The following MYO15A variants were observed in gnomAD, a reference collection of about 807,000 sequenced individuals.
The protein encoded by MYO15A is myosin XVA, also known as unconventional myosin-XV.
A neutral mutation model predicts 394.6 loss-of-function variants in MYO15A; 308 were observed. That is an observed-to-expected ratio of 0.78 (90% confidence interval 0.71 to 0.86). The LOEUF is 0.86. MYO15A is among the 40% of genes least tolerant of loss of function. The probability of loss-of-function intolerance (pLI) is 0.00; values close to 1 mark genes in which losing one functional copy is unlikely to be tolerated. For synonymous variants in MYO15A, 1,957 were observed against 2,003.8 expected (o/e 0.98, Z 0.62); for missense variants, 4,606 against 4,799.1 (o/e 0.96, Z 1.19).
In MYO15A at chr17:18,150,463, T is replaced by C. The variant is rs373516911; in HGVS notation, c.7247T>C (p.Met2416Thr). 5 of 1,613,796 alleles carry C rather than the reference T, an allele frequency of 3.1e-6. No individual in the cohort carries two copies. In the African/African-American group the frequency reaches 4.0e-5, roughly 13 times the overall value. Residue 2416 changes from methionine (M) to threonine (T), a missense_variant, in exon 36 of 66, where the codon ATG becomes ACG. Met to Thr is a moderately conservative substitution (Grantham distance 81). Coordinates refer to ENST00000647165, the MANE Select transcript of MYO15A (RefSeq NM_016239.4). This position sits in a 1 kb window ranked among gnomAD's most constrained non-coding sequence, Gnocchi z 4.4. ...AAGCCAACAGCCATTGCCTACCGCA[T>C]GAAAGGGGGAGGCCAGCCCGGTGGA... is the stretch of plus-strand genomic sequence containing the variant. Reference protein sequence around the residue: ...LEKPTAIAYRMKGGGQPGGGS... With the variant: ...LEKPTAIAYRTKGGGQPGGGS...
chr17:18,156,929 C>T (rs1451062299), intron 48 of MYO15A, 25 bp from the exon 49 acceptor site: 1 of 1,604,964 alleles, frequency 6.2e-7, no homozygotes, highest in Non-Finnish European at 8.5e-7. Context: ...GGCTGTTGCC[C>T]TCACCCTGCC....
chr17:18,150,332 G>A lies in MYO15A; in HGVS notation c.7213-97G>A, dbSNP rs1416074686. 11 of 1,112,110 alleles carry A rather than the reference G, an allele frequency of 9.9e-6. No individual in the cohort carries two copies. Among genetic ancestry groups the A allele is most frequent in the African/African-American group, 1.5e-5 (1 of 65,004 alleles). 68.9% of individuals were successfully genotyped at this position (1,112,110 alleles called of 1,614,324 possible). ...CCAGTGGGAGGCTGCCCCCTCCCAC[G>A]AGAGGGTGGGGAAGAGGCCAGTGTC... is the stretch of plus-strand genomic sequence containing the variant. On this transcript the variant is annotated intron_variant, in intron 35 of 65. Transcript: ENST00000647165. This position sits in a 1 kb window ranked among gnomAD's most constrained non-coding sequence, Gnocchi z 4.4.
In MYO15A at chr17:18,132,423, C is replaced by T. The variant is rs778625951; in HGVS notation, c.4207-30C>T. 28 of 1,591,152 alleles carry T rather than the reference C, an allele frequency of 1.8e-5. No homozygotes were observed. The highest frequency in any genetic ancestry group is 2.3e-5 in the Non-Finnish European group (27 of 1,159,872). On this transcript the variant is annotated intron_variant, in intron 10 of 65. Coordinates refer to ENST00000647165, the MANE Select transcript of MYO15A (RefSeq NM_016239.4). This position sits in a 1 kb window ranked among gnomAD's most constrained non-coding sequence, Gnocchi z 4.6. ...GGGGGTCACCTAGGTAGGTGGCTCC[C>T]TTCTCTGTGCCCACCTACCCACTCT... is the stretch of plus-strand genomic sequence containing the variant.
chr17:18,153,934 C>T lies in MYO15A; in HGVS notation c.8088+38C>T, dbSNP rs2046629997. ...GCCGTAGCCAGGGGAGGGGCTGAAG[C>T]GGGGCAGGGGAGGGGCTGAAGCGAG... On this transcript the variant is annotated intron_variant, in intron 43 of 65. Coordinates refer to ENST00000647165, the MANE Select transcript of MYO15A (RefSeq NM_016239.4). This position sits in a 1 kb window ranked among gnomAD's most constrained non-coding sequence, Gnocchi z 4.1. The T allele has an allele frequency of 6.2e-7, 1 of 1,612,014 alleles. No homozygotes were observed. The highest frequency in any genetic ancestry group is 8.5e-7 in the Non-Finnish European group (1 of 1,179,366).
In MYO15A at chr17:18,122,251, AGTCTTCGCTG is replaced by A. The variant is rs773355397; in HGVS notation, c.3455_3464del (p.Leu1152ProfsTer73). 2 of 1,613,132 alleles carry A rather than the reference AGTCTTCGCTG, an allele frequency of 1.2e-6. No homozygotes were observed. Among genetic ancestry groups the A allele is most frequent in the Non-Finnish European group, 8.5e-7 (1 of 1,180,016 alleles). On this transcript the variant is annotated frameshift_variant, in exon 2 of 66. Coordinates refer to ENST00000647165, the MANE Select transcript of MYO15A (RefSeq NM_016239.4). LOFTEE classifies it high-confidence loss of function. ...TCAGGACCCCAAGCCAAGAGCCTGT[AGTCTTCGCTG>A]GTCCTGCCTCTGGCTTCGGGCAGAT...
Position 18,131,286 on chromosome 17 carries a change from C to G in MYO15A, c.4086C>G (p.Thr1362=). The G allele has an allele frequency of 1.2e-6, 2 of 1,614,102 alleles. No individual in the cohort carries two copies. Among genetic ancestry groups the G allele is most frequent in the Non-Finnish European group, 1.7e-6 (2 of 1,180,002 alleles). ...TGGAGTCCTTCGGTAATGCCAAAAC[C>G]GTCAGGAACGACAACTCCAGCCGCT... ...PLLESFGNAK[T]VRNDNSSRFG... is the part of the protein sequence containing the mutation. Residue 1362 remains threonine (T), a synonymous_variant, in exon 9 of 66, where the codon ACC becomes ACG. Transcript: ENST00000647165.
rs771110794 is a variant in MYO15A, at chr17:18,154,131, G to T, written c.8089G>T (p.Val2697Leu). 14 of 1,614,054 alleles carry T rather than the reference G, an allele frequency of 8.7e-6. No individual in the cohort carries two copies. Among genetic ancestry groups the T allele is most frequent in the Non-Finnish European group, 1.2e-5 (14 of 1,180,040 alleles). ...APWKIFLRKE[V>L]FYPKDSYSHP... Reference sequence around the variant, plus strand: ...ACCCACTGAAGCCCCGCCCCTGCAGGTGTTTTACCCCAAGGACAGCTACAG... The same window carrying T: ...ACCCACTGAAGCCCCGCCCCTGCAGTTGTTTTACCCCAAGGACAGCTACAG... The change falls in exon 44 of 66, where the codon GTG (valine) becomes TTG (leucine). Residue 2697 changes from valine (V) to leucine (L), a missense_variant and splice_region_variant. This residue lies in a region of MYO15A where 2,776 missense variants were observed against 3,109.3 expected (regional missense o/e 0.89). Transcript: ENST00000647165.
At chr17:18,161,186 G>C (rs182659881) in intron 56 of MYO15A, 131 bp from the exon 57 acceptor site, 1 of 1,270,298 alleles carries the variant, frequency 7.9e-7, no homozygotes, top group Admixed American at 2.0e-5. Flanking sequence ...ATATCACTGC[G>C]CAGGGAGGGG....
In MYO15A at chr17:18,157,772, C is replaced by T. The variant is rs2142388586; in HGVS notation, c.8839C>T (p.Leu2947=). 1 of 1,605,446 alleles carries T rather than the reference C, an allele frequency of 6.2e-7. No homozygotes were observed. Among genetic ancestry groups the T allele is most frequent in the South Asian group, 1.1e-5 (1 of 91,080 alleles). The part of the protein sequence containing the change: ...HGRVGRFPSE[L]VQPAAAPDFL... Reference sequence around the variant, plus strand: ...GCGCGTGGGCCGCTTCCCTTCGGAGCTGGTGCAGCCCGCTGCTGCCCCCGA... The same window carrying T: ...GCGCGTGGGCCGCTTCCCTTCGGAGTTGGTGCAGCCCGCTGCTGCCCCCGA... The change falls in exon 51 of 66, where the codon CTG becomes TTG. Residue 2947 remains leucine (L), a synonymous_variant. Coordinates refer to ENST00000647165, the MANE Select transcript of MYO15A (RefSeq NM_016239.4).
intron 1 of MYO15A, among the ~76,000 whole-genome samples, chr17:18,116,929 AAAAG>A (rs1555537267): frequency 0.011 from 1,513 of 132,154 alleles, 21 homozygotes; most frequent in African/African-American, 0.039. Context: ...CAAAAAAAAA[AAAAG>A]AAAGAAAGAA....
chr17:18,160,157 GT>G, intron 56 of MYO15A, 140 bp downstream of exon 56: 1 of 816,762 alleles, frequency 1.2e-6, no homozygotes, highest in Non-Finnish European at 2.0e-6. Flanking sequence ...AATAGAGCAC[GT>G]TTTTTGGAAT....
intron 50 of MYO15A, 30 bp downstream of exon 50, chr17:18,157,260 C>G (rs746931862): frequency 5.7e-6 from 9 of 1,576,132 alleles, no homozygotes; most frequent in Non-Finnish European, 7.8e-6. Flanking sequence ...GAACCCCATA[C>G]GGGGCGCATC....
chr17:18,160,270 A>T (rs2046756395), intron 56 of MYO15A, among the ~76,000 whole-genome samples: 1 of 152,226 alleles, frequency 6.6e-6, no homozygotes, highest in Non-Finnish European at 1.5e-5. Flanking sequence ...GTTGCAAGTG[A>T]CAGAAACCCA....
rs1249097601 is a variant in MYO15A, at chr17:18,131,362, G to A, written c.4142+20G>A. On this transcript the variant is annotated intron_variant, in intron 9 of 65. Transcript: ENST00000647165. ...GGAAGGGTGAGTTGGGACAGTGGAG[G>A]GCCTCCCAAAAGCCTTGCAGTGTCT... 5.6e-6 allele frequency: 9 copies of A among 1,613,472 alleles called. No individual in the cohort carries two copies. The highest frequency in any genetic ancestry group is 7.6e-6 in the Non-Finnish European group (9 of 1,179,542).
rs753611930 is a variant in MYO15A, at chr17:18,148,532, C to T, written c.6728C>T (p.Thr2243Met). ...QFSCPVHSWS[T>M]GEEVAGDILR... ...TCCTGCCCGGTGCACTCCTGGAGTA[C>T]GGGGGAAGAGGTGGCTGGAGACATT... The change falls in exon 32 of 66, where the codon ACG becomes ATG. Residue 2243 changes from threonine (T) to methionine (M), a missense_variant. By Grantham distance (81) the Thr-to-Met change is moderately conservative. Coordinates refer to ENST00000647165, the MANE Select transcript of MYO15A (RefSeq NM_016239.4). This position sits in a 1 kb window ranked among gnomAD's most constrained non-coding sequence, Gnocchi z 4.8. The T allele has an allele frequency of 6.2e-5, 97 of 1,552,672 alleles. No individual in the cohort carries two copies. The highest frequency in any genetic ancestry group is 8.2e-5 in the African/African-American group (6 of 73,054).
rs990831357 is a variant in MYO15A, at chr17:18,163,124, A to G, written c.9613-120A>G. 9.4e-6 allele frequency: 10 copies of G among 1,063,110 alleles called. No homozygotes were observed. In the African/African-American group the frequency reaches 1.1e-4, roughly 12 times the overall value. The allele number at this position is 1,063,110 out of a possible 1,614,324, so 65.9% of individuals were successfully genotyped here. A position where few individuals can be genotyped will look rare whatever the true frequency, so the allele number is the denominator to read the frequency against. ...AGGCCCTGCGCGGTCCAGGTGCTCA[A>G]GTGTTCCTACACGTGCCAGCCCAGG... is the stretch of plus-strand genomic sequence containing the variant. On this transcript the variant is annotated intron_variant, in intron 58 of 65. Transcript: ENST00000647165.
At chr17:18,137,315 G>A (rs1480682352) in intron 15 of MYO15A, among the ~76,000 whole-genome samples, 1 of 152,242 alleles carries the variant, frequency 6.6e-6, no homozygotes, top group Non-Finnish European at 1.5e-5. Context: ...GCATGGGGCT[G>A]TTATTCAAGG....
At chr17:18,155,945 A>G in intron 47 of MYO15A, 1 of 552,478 alleles carries the variant, frequency 1.8e-6, no homozygotes, top group Non-Finnish European at 3.3e-6. Flanking sequence ...CTAGATTTAG[A>G]GCTTGGACCA....
rs758437548 is a variant in MYO15A, at chr17:18,150,504, A to C, written c.7288A>C (p.Thr2430Pro). ...GCCCGGTGGAGGCAGCAGTAGTGGT[A>C]CTGAAGACACCCCCAGGAGACCCCC... is the stretch of plus-strand genomic sequence containing the variant. ...GQPGGGSSSG[T>P]EDTPRRPPEP... is the part of the protein sequence containing the mutation. Residue 2430 changes from threonine (T) to proline (P), a missense_variant, in exon 36 of 66, where the codon ACT (threonine) becomes CCT (proline). Physicochemically the swap from Thr to Pro is conservative, Grantham distance 38. This residue lies in a region of MYO15A where 2,776 missense variants were observed against 3,109.3 expected (regional missense o/e 0.89). Transcript: ENST00000647165. This position sits in a 1 kb window ranked among gnomAD's most constrained non-coding sequence, Gnocchi z 4.4. The C allele has an allele frequency of 6.2e-7, 1 of 1,614,206 alleles. No homozygotes were observed. The highest frequency in any genetic ancestry group is 1.1e-5 in the South Asian group (1 of 91,086).
Sources: gnomAD v4.1 joint callset for allele counts (sites outside exome capture counted in the v4.1 genomes callset) on GRCh38, gnomAD v4.1.1 for gene constraint, gnomAD v4.1.1 regional missense constraint, Gnocchi (gnomAD v3.1) non-coding constraint, MANE v1.5 for transcripts, NCBI Gene and HGNC (gene_info 2026-07-23, HGNC 2026-07-21) for gene names.